TMC2: variants seen among roughly 807,000 people sequenced by gnomAD.
TMC2 encodes transmembrane channel-like protein 2.
A neutral mutation model predicts 105.9 loss-of-function variants in TMC2; 102 were observed. That is an observed-to-expected ratio of 0.96 (90% CI 0.82 to 1.14). The LOEUF (loss-of-function observed/expected upper bound fraction) is 1.14. Among genes scored for constraint, TMC2 ranks in the 50% most tolerant of loss-of-function variants. The probability of loss-of-function intolerance (pLI) is 0.00; values close to 1 mark genes in which losing one functional copy is unlikely to be tolerated. For missense variants in TMC2, 1,093 were observed against 1,134.3 expected, an observed-to-expected ratio of 0.96 and a Z score of 0.52; for synonymous variants, 402 against 422.8, an observed-to-expected ratio of 0.95 and a Z score of 0.60.
chr20:2,596,867 G>A lies in TMC2; in HGVS notation c.1077-284G>A, dbSNP rs567446517. Among the ~76,000 whole-genome samples the A allele has an allele frequency of 1.3e-4, 20 of 152,124 alleles. No individual in the cohort carries two copies. The South Asian group carries it at 3.5e-3, about 27-fold the overall frequency. ...CAGATGAGTCAAGCCACAGGAAATC[G>A]GGTGTAGGGAAGAAAACATGGTCAC... is the stretch of plus-strand genomic sequence containing the variant. On this transcript the variant is annotated intron_variant, in intron 9 of 19. Transcript: ENST00000358864.
chr20:2,578,544 T>G (rs1439512435), intron 5 of TMC2, among the ~76,000 whole-genome samples: 2 of 152,158 alleles, frequency 1.3e-5, no homozygotes, highest in African/African-American at 4.8e-5. Context: ...GTTTGGTACA[T>G]AGTCTGGGTG....
At chr20:2,555,165 C>A (rs976375082) in intron 2 of TMC2, among the ~76,000 whole-genome samples, 2 of 152,182 alleles carry the variant, frequency 1.3e-5, no homozygotes, top group African/African-American at 4.8e-5. Context: ...ACTACAACCT[C>A]ACCCTCCTGG....
chr20:2,633,759 T>TAGG (rs2086621621), intron 17 of TMC2, among the ~76,000 whole-genome samples: 1 of 151,404 alleles, frequency 6.6e-6, no homozygotes. Flanking sequence ...ACTACAGAAC[T>TAGG]GGGTAGGGGA....
Position 2,624,255 on chromosome 20 carries a change from C to T in TMC2, c.2181-16C>T. The T allele has an allele frequency of 6.2e-7, 1 of 1,612,730 alleles. No individual in the cohort carries two copies. The highest frequency in any genetic ancestry group is 8.5e-7 in the Non-Finnish European group (1 of 1,179,260). On this transcript the variant is annotated splice_polypyrimidine_tract_variant and intron_variant, in intron 16 of 19. Transcript: ENST00000358864. The stretch of plus-strand genomic sequence containing the variant: ...CACATGGCAGCATGTTATATTGTGT[C>T]CTCTCCTTTTTCCAGTGGGAAAAAC...
chr20:2,591,875 C>T (rs192439156), intron 7 of TMC2, among the ~76,000 whole-genome samples: 50 of 151,864 alleles, frequency 3.3e-4, no homozygotes, highest in African/African-American at 1.0e-3. Context: ...AAAATAGAGC[C>T]GGGCTCAGTG....
chr20:2,559,170 C>A (rs2086007669), intron 3 of TMC2, among the ~76,000 whole-genome samples: 1 of 152,182 alleles, frequency 6.6e-6, no homozygotes, highest in South Asian at 2.1e-4. Flanking sequence ...AGCTGAGCGA[C>A]ATGAACAAAA....
intron 11 of TMC2, among the ~76,000 whole-genome samples, chr20:2,605,321 G>C (rs1166979859): frequency 6.6e-6 from 1 of 152,158 alleles, no homozygotes; most frequent in Non-Finnish European, 1.5e-5. Context: ...ACCACAGACT[G>C]AGTAGCTTAA....
At chr20:2,625,551 T>C (rs2086558218) in intron 17 of TMC2, among the ~76,000 whole-genome samples, 2 of 152,230 alleles carry the variant, frequency 1.3e-5, no homozygotes, top group Admixed American at 1.3e-4. Context: ...AACATTATGT[T>C]GGGGGATTTA....
chr20:2,537,357 C>T (rs201892146), intron 2 of TMC2, 41 bp downstream of exon 2: 10 of 1,533,354 alleles, frequency 6.5e-6, no homozygotes, highest in Middle Eastern at 1.7e-4. Flanking sequence ...CCTGCAGTGC[C>T]TGGGTGCCCT....
intron 13 of TMC2, 111 bp from the exon 14 acceptor site, chr20:2,613,083 C>A: frequency 1.4e-6 from 2 of 1,430,284 alleles, no homozygotes; most frequent in Admixed American, 2.4e-5. Context: ...GTCACAGAGA[C>A]AAAGTCAGGT....
chr20:2,546,283 C>T (rs559669927), intron 2 of TMC2, among the ~76,000 whole-genome samples: 1 of 152,284 alleles, frequency 6.6e-6, no homozygotes, highest in Admixed American at 6.5e-5. Flanking sequence ...GAAAAATGTG[C>T]ACCCTAGACA....
chr20:2,540,756 A>G (rs2085884487), intron 2 of TMC2, among the ~76,000 whole-genome samples: 1 of 151,864 alleles, frequency 6.6e-6, no homozygotes, highest in African/African-American at 2.4e-5. Context: ...AATCACAGCC[A>G]GTATGCTCAC....
intron 17 of TMC2, among the ~76,000 whole-genome samples, chr20:2,635,619 G>A (rs957984459): frequency 1.6e-4 from 24 of 152,168 alleles, no homozygotes; most frequent in Admixed American, 1.6e-3. Context: ...AGCTTCTTCT[G>A]CAGTCAGTAA....
intron 10 of TMC2, among the ~76,000 whole-genome samples, chr20:2,601,564 G>A (rs537405145): frequency 2.0e-4 from 31 of 152,280 alleles, no homozygotes; most frequent in South Asian, 6.2e-4. Context: ...AATGCAGCCA[G>A]GCACAGTGGC....
intron 16 of TMC2, 159 bp downstream of exon 16, chr20:2,617,470 A>G (rs1369597384): frequency 2.0e-6 from 2 of 989,226 alleles, no homozygotes; most frequent in East Asian, 2.6e-5. Flanking sequence ...TTCTGCCAGG[A>G]TGGAAATGTT....
At chr20:2,614,314 A>C (rs1274082701) in intron 14 of TMC2, among the ~76,000 whole-genome samples, 1 of 152,240 alleles carries the variant, frequency 6.6e-6, no homozygotes, top group Non-Finnish European at 1.5e-5. Context: ...ATATTTAAAA[A>C]GAAGAATAAG....
intron 4 of TMC2, among the ~76,000 whole-genome samples, chr20:2,569,554 C>T (rs34637035): frequency 0.14 from 20,657 of 152,148 alleles, 1,667 homozygotes; most frequent in African/African-American, 0.22. Context: ...TTCAACTTAA[C>T]GATGTTTTCA....
intron 17 of TMC2, among the ~76,000 whole-genome samples, chr20:2,631,143 A>C (rs1344018633): frequency 8.0e-6 from 1 of 124,338 alleles, no homozygotes; most frequent in Non-Finnish European, 1.8e-5. Context: ...TAATATAACA[A>C]ACTACTTTGA....
chr20:2,578,671 T>C (rs1048288402), intron 5 of TMC2, among the ~76,000 whole-genome samples: 40 of 152,308 alleles, frequency 2.6e-4, no homozygotes, highest in African/African-American at 7.9e-4. Flanking sequence ...GATCTCCTTA[T>C]CAGTTGCACC....
Sources: allele counts gnomAD v4.1 joint callset (sites outside exome capture counted in the v4.1 genomes callset), GRCh38; gene constraint gnomAD v4.1.1; transcripts MANE v1.5; gene names NCBI Gene and HGNC (gene_info 2026-07-23, HGNC 2026-07-21).